BRINP1: variants seen among roughly 807,000 people sequenced by gnomAD.
The protein encoded by BRINP1 is BMP/retinoic acid inducible neural specific 1.
Under a neutral mutation model 72.9 loss-of-function variants are expected in BRINP1, and 17 were observed. The observed-to-expected ratio is 0.23, with a 90% CI of 0.16 to 0.35. BRINP1 has a LOEUF of 0.35. Among genes scored for constraint, BRINP1 ranks in the 10% least tolerant of loss-of-function variants. The pLI, the probability that BRINP1 is intolerant of heterozygous loss-of-function variation, is 1.00. For synonymous variants in BRINP1, 418 were observed against 378.5 expected, an observed-to-expected ratio of 1.10 and a Z score of -1.21; for missense variants, 850 against 1,001.6, an observed-to-expected ratio of 0.85 and a Z score of 2.04.
intron 5 of BRINP1, among the ~76,000 whole-genome samples, chr9:119,226,573 C>G (rs920506938): frequency 2.6e-5 from 4 of 151,966 alleles, no homozygotes; most frequent in African/African-American, 9.7e-5. Flanking sequence ...TCTTTAAGTT[C>G]CCTCCAGATT....
At chr9:119,179,077 C>T (rs777551693) in intron 7 of BRINP1, among the ~76,000 whole-genome samples, 65 of 152,042 alleles carry the variant, frequency 4.3e-4, no homozygotes, top group Non-Finnish European at 7.9e-4. Context: ...ATACCACTTC[C>T]CAGGCTAGTT....
At chr9:119,243,307 G>T (rs1830277436) in intron 3 of BRINP1, among the ~76,000 whole-genome samples, 1 of 152,072 alleles carries the variant, frequency 6.6e-6, no homozygotes, top group South Asian at 2.1e-4. Flanking sequence ...TGTGGTGTTT[G>T]GTTCTCTGTT....
intron 7 of BRINP1, among the ~76,000 whole-genome samples, chr9:119,179,561 C>CA (rs550669635): frequency 7.8e-4 from 118 of 152,056 alleles, no homozygotes; most frequent in African/African-American, 2.7e-3. Context: ...TTGCTGAGGT[C>CA]AAAAAAATCA....
intron 7 of BRINP1, among the ~76,000 whole-genome samples, chr9:119,170,356 C>T (rs1204568653): frequency 1.3e-5 from 2 of 150,978 alleles, no homozygotes; most frequent in African/African-American, 2.5e-5. Flanking sequence ...GGAGCCGATG[C>T]GATCAACTGG....
chr9:119,321,875 A>T (rs1831192925), intron 1 of BRINP1, among the ~76,000 whole-genome samples: 1 of 152,210 alleles, frequency 6.6e-6, no homozygotes. Context: ...AAAATTACAC[A>T]TGTGGCTGGT....
intron 2 of BRINP1, among the ~76,000 whole-genome samples, chr9:119,289,031 C>A (rs1830796702): frequency 6.6e-6 from 1 of 152,160 alleles, no homozygotes; most frequent in Admixed American, 6.5e-5. Context: ...AACTCCTGAC[C>A]TCAAGTGATC....
intron 6 of BRINP1, chr9:119,213,615 C>T: frequency 7.2e-6 from 4 of 557,160 alleles, no homozygotes; most frequent in East Asian, 2.9e-5. Flanking sequence ...AATACAACTA[C>T]CTCTGACTCT....
intron 1 of BRINP1, among the ~76,000 whole-genome samples, chr9:119,335,840 C>T (rs1831340794): frequency 6.6e-6 from 1 of 152,216 alleles, no homozygotes; most frequent in Non-Finnish European, 1.5e-5. Context: ...CCAATCCAGC[C>T]TTCTACCTTC....
intron 5 of BRINP1, among the ~76,000 whole-genome samples, chr9:119,234,802 G>A (rs923172188): frequency 6.6e-6 from 1 of 151,578 alleles, no homozygotes; most frequent in African/African-American, 2.4e-5. Flanking sequence ...TTTTTCCTAT[G>A]ACTCCTCTAG....
chr9:119,349,171 G>C (rs550031706), intron 1 of BRINP1, among the ~76,000 whole-genome samples: 1 of 152,138 alleles, frequency 6.6e-6, no homozygotes, highest in South Asian at 2.1e-4. Flanking sequence ...TAAGGATAGG[G>C]GACAGGCAAA....
At chr9:119,227,027 C>G (rs570078310) in intron 5 of BRINP1, among the ~76,000 whole-genome samples, 1 of 151,908 alleles carries the variant, frequency 6.6e-6, no homozygotes, top group African/African-American at 2.4e-5. Context: ...TTGAGGTTTA[C>G]ATGAAATATT....
intron 2 of BRINP1, among the ~76,000 whole-genome samples, chr9:119,258,216 TG>T (rs1408380554): frequency 1.3e-5 from 2 of 152,052 alleles, no homozygotes; most frequent in African/African-American, 4.8e-5. Flanking sequence ...TTCAGAGCAA[TG>T]GGGGTAAATA....
chr9:119,355,531 A>G (rs1330900600), intron 1 of BRINP1, among the ~76,000 whole-genome samples: 1 of 152,098 alleles, frequency 6.6e-6, no homozygotes, highest in Non-Finnish European at 1.5e-5. Context: ...GATTGAGACC[A>G]TCCTGGCTAA....
intron 7 of BRINP1, among the ~76,000 whole-genome samples, chr9:119,168,668 C>G (rs191782976): frequency 1.7e-5 from 2 of 117,764 alleles, no homozygotes; most frequent in African/African-American, 5.1e-5. Context: ...TGTTTCAACC[C>G]CCATTACAGA....
intron 5 of BRINP1, among the ~76,000 whole-genome samples, chr9:119,228,452 C>A (rs1830116043): frequency 6.6e-6 from 1 of 151,158 alleles, no homozygotes; most frequent in Non-Finnish European, 1.5e-5. Flanking sequence ...GAAAACTAAA[C>A]ATAAATGAAT....
intron 2 of BRINP1, among the ~76,000 whole-genome samples, chr9:119,252,383 C>G (rs2118924944): frequency 6.6e-6 from 1 of 152,102 alleles, no homozygotes; most frequent in South Asian, 2.1e-4. Flanking sequence ...GGTAATTGAT[C>G]AATACACAGC....
chr9:119,193,269 C>A (rs780433789), intron 7 of BRINP1, among the ~76,000 whole-genome samples: 2 of 151,812 alleles, frequency 1.3e-5, no homozygotes, highest in African/African-American at 2.4e-5. Context: ...CTGTTTGTTA[C>A]AACATAGATA....
At chr9:119,353,264 C>T (rs184359769) in intron 1 of BRINP1, among the ~76,000 whole-genome samples, 202 of 152,330 alleles carry the variant, frequency 1.3e-3, no homozygotes, top group Middle Eastern at 0.01. Flanking sequence ...TCTTCCTCTT[C>T]CTTATTTTTC....
chr9:119,239,609 G>A (rs1396057051), intron 4 of BRINP1, among the ~76,000 whole-genome samples: 1 of 152,144 alleles, frequency 6.6e-6, no homozygotes, highest in Non-Finnish European at 1.5e-5. Context: ...AATGACTTGG[G>A]AGGCAGCCAC....
Sources: allele counts gnomAD v4.1 joint callset (sites outside exome capture counted in the v4.1 genomes callset), GRCh38; gene constraint gnomAD v4.1.1; transcripts MANE v1.5; gene names NCBI Gene and HGNC (gene_info 2026-07-23, HGNC 2026-07-21).